Variants in GRAPL observed in about 807,000 individuals in gnomAD.
GRAPL encodes GRB2-related adapter protein-like.
chr17:19,144,512 C>G (rs2044687387), intron 3 of GRAPL, among the ~76,000 whole-genome samples: 1 of 143,084 alleles, frequency 7.0e-6, no homozygotes, highest in South Asian at 2.5e-4. Context: ...TCACTCCACA[C>G]AGTGGGAGAC....
At chr17:19,147,019 GT>G (rs1478482464) in intron 3 of GRAPL, among the ~76,000 whole-genome samples, 5 of 94,844 alleles carry the variant, frequency 5.3e-5, no homozygotes, top group Admixed American at 1.0e-4. Context: ...AGGTAGGGGT[GT>G]GTGTGTGTGT....
At chr17:19,147,129 T>C (rs2152189489) in intron 3 of GRAPL, among the ~76,000 whole-genome samples, 2 of 144,606 alleles carry the variant, frequency 1.4e-5, no homozygotes, top group African/African-American at 2.7e-5. Context: ...TTAGCCCAAA[T>C]GTGAACAAAA....
At chr17:19,144,314 A>T in intron 3 of GRAPL, 1 of 351,722 alleles carries the variant, frequency 2.8e-6, no homozygotes, top group Middle Eastern at 5.6e-4. Flanking sequence ...TGCTGCCGCC[A>T]CCAGGCCAGA....
intron 3 of GRAPL, chr17:19,142,258 GAGGAAGTGA>G (rs1446835456): frequency 1.1e-5 from 1 of 89,678 alleles, no homozygotes; most frequent in Non-Finnish European, 1.7e-5. Flanking sequence ...AGGCACCAGG[GAGGAAGTGA>G]CATCTGAGTT....
intron 3 of GRAPL, among the ~76,000 whole-genome samples, chr17:19,147,082 A>G: frequency 7.1e-6 from 1 of 141,000 alleles, no homozygotes; most frequent in African/African-American, 2.9e-5. Flanking sequence ...TGTCCCATCA[A>G]GGCATCAAGT....
intron 3 of GRAPL, among the ~76,000 whole-genome samples, chr17:19,144,452 G>C (rs1478950410): frequency 2.5e-4 from 34 of 137,374 alleles, no homozygotes; most frequent in African/African-American, 8.8e-4. Context: ...GGGTCACACA[G>C]AGAGACAAAG....
At chr17:19,148,907 CAAAAA>C (rs1177333542) in intron 3 of GRAPL, among the ~76,000 whole-genome samples, 1 of 78,644 alleles carries the variant, frequency 1.3e-5, no homozygotes, top group African/African-American at 4.6e-5. Flanking sequence ...GACCACGCCT[CAAAAA>C]AAAAAAAAAA....
chr17:19,147,048 TGTGCGC>T (rs1355048158), intron 3 of GRAPL, among the ~76,000 whole-genome samples: 1 of 125,990 alleles, frequency 7.9e-6, no homozygotes, highest in Non-Finnish European at 1.5e-5. Flanking sequence ...TGTGTGTGTG[TGTGCGC>T]GCGCGCGCGC....
At chr17:19,149,687 G>A (rs1288166823) in intron 3 of GRAPL, among the ~76,000 whole-genome samples, 1 of 107,098 alleles carries the variant, frequency 9.3e-6, no homozygotes, top group Non-Finnish European at 1.6e-5. Flanking sequence ...CTTGAACCTG[G>A]GAGGCAGAAG....
intron 1 of GRAPL, among the ~76,000 whole-genome samples, chr17:19,130,573 CAAAAAGAAAAAA>C (rs1350622352): frequency 1.0e-4 from 6 of 58,766 alleles, no homozygotes; most frequent in Non-Finnish European, 1.6e-4. Flanking sequence ...GACTCCATCT[CAAAAAGAAAAAA>C]AAAAAGAAAA....
chr17:19,144,146 C>T (rs1398516789), intron 3 of GRAPL: 24 of 109,342 alleles, frequency 2.2e-4, no homozygotes, highest in South Asian at 2.9e-4. Context: ...TGATGGAGAT[C>T]GCCCAGCGGG....
chr17:19,148,943 G>T (rs1215236957), intron 3 of GRAPL, among the ~76,000 whole-genome samples: 1 of 130,878 alleles, frequency 7.6e-6, no homozygotes, highest in African/African-American at 2.8e-5. Flanking sequence ...AAAAGAAAGA[G>T]CAGGCTCTCT....
intron 3 of GRAPL, among the ~76,000 whole-genome samples, chr17:19,152,043 C>A (rs2152190494): frequency 2.1e-5 from 3 of 140,310 alleles, no homozygotes; most frequent in Middle Eastern, 7.9e-3. Flanking sequence ...CACCACCATG[C>A]CCAGATAACG....
rs1417728241 is a variant in GRAPL at position 19,149,653 on chromosome 17, C to T, written c.300-8666C>T. Among the ~76,000 whole-genome samples, 36 of 108,618 alleles carry T rather than the reference C, an allele frequency of 3.3e-4. 5 individuals are homozygous for T. Among genetic ancestry groups the T allele is most frequent in the African/African-American group, 4.9e-4 (8 of 16,476 alleles). 71.3% of individuals were successfully genotyped at this position (108,618 alleles called of 152,430 possible). A position where few individuals can be genotyped will look rare whatever the true frequency, so the allele number is the denominator to read the frequency against. On this transcript the variant is annotated intron_variant, in intron 3 of 3. Transcript: ENST00000344415. ...GTGCATGCCTGTAATCCCAGCTACT[C>T]GGGAGGCTGAAGCAAGAGAATCACT...
chr17:19,143,067 A>G (rs1326780596), intron 3 of GRAPL: 1 of 100,010 alleles, frequency 1.0e-5, no homozygotes, highest in Non-Finnish European at 1.6e-5. Flanking sequence ...CTCTTAGAGA[A>G]GAGGCAGCAG....
chr17:19,148,928 A>G (rs2044713818), intron 3 of GRAPL, among the ~76,000 whole-genome samples: 1 of 133,846 alleles, frequency 7.5e-6, no homozygotes, highest in Non-Finnish European at 1.6e-5. Context: ...AAAAAAAGAA[A>G]AGAAAAAAGA....
At chr17:19,148,933 A>AAAAG (rs1225515082) in intron 3 of GRAPL, among the ~76,000 whole-genome samples, 1 of 134,066 alleles carries the variant, frequency 7.5e-6, no homozygotes, top group Non-Finnish European at 1.6e-5. Flanking sequence ...AAGAAAAGAA[A>AAAAG]AAAGAAAGAG....
At chr17:19,151,578 C>CTGTT (rs1250049504) in intron 3 of GRAPL, among the ~76,000 whole-genome samples, 27 of 12,732 alleles carry the variant, frequency 2.1e-3, no homozygotes, top group African/African-American at 3.7e-3. Flanking sequence ...CTGCCTTATT[C>CTGTT]TGTTTGTTTG....
At chr17:19,148,927 A>T (rs1486515306) in intron 3 of GRAPL, among the ~76,000 whole-genome samples, 2 of 133,214 alleles carry the variant, frequency 1.5e-5, no homozygotes, top group Non-Finnish European at 3.2e-5. Flanking sequence ...AAAAAAAAGA[A>T]AAGAAAAAAG....
Sources: allele counts gnomAD v4.1 joint callset (sites outside exome capture counted in the v4.1 genomes callset), GRCh38; gene constraint gnomAD v4.1.1; transcripts MANE v1.5; gene names NCBI Gene and HGNC (gene_info 2026-07-23, HGNC 2026-07-21).